The following PLCB4 variants were observed in gnomAD, a reference collection of about 807,000 sequenced individuals.
PLCB4 encodes the protein 1-phosphatidylinositol 4,5-bisphosphate phosphodiesterase beta-4.
PLCB4 carries 77 observed loss-of-function variants against 178.8 expected under a neutral mutation model. That is an observed-to-expected ratio of 0.43 (90% CI 0.36 to 0.52). The LOEUF is 0.52. Ranked by LOEUF, PLCB4 falls within the 20% of genes least tolerant of loss-of-function variation. The pLI, the probability that PLCB4 is intolerant of heterozygous loss-of-function variation, is 0.00. For synonymous variants in PLCB4, 496 were observed against 490.8 expected (o/e 1.01, Z -0.14); for missense variants, 1,024 against 1,453.4 (o/e 0.70, Z 4.80).
At chr20:9,085,178 A>G (rs747832678) in intron 1 of PLCB4, among the ~76,000 whole-genome samples, 1 of 152,076 alleles carries the variant, frequency 6.6e-6, no homozygotes, top group Non-Finnish European at 1.5e-5. Context: ...AGTGTGATAT[A>G]TTTTGTTTAA....
chr20:9,191,974 C>G (rs901749761), intron 2 of PLCB4, among the ~76,000 whole-genome samples: 2 of 151,352 alleles, frequency 1.3e-5, no homozygotes, highest in African/African-American at 4.9e-5. Flanking sequence ...CCAAACCCTT[C>G]TGACTTTTTA....
chr20:9,334,018 GCTC>G (rs1417670926), intron 4 of PLCB4, among the ~76,000 whole-genome samples: 30 of 152,236 alleles, frequency 2.0e-4, no homozygotes, highest in Admixed American at 5.2e-4. Context: ...GGATGGGGCT[GCTC>G]TTACAAATTT....
intron 21 of PLCB4, among the ~76,000 whole-genome samples, chr20:9,407,206 C>CTTA (rs1349561296): frequency 6.6e-6 from 1 of 152,272 alleles, no homozygotes; most frequent in Non-Finnish European, 1.5e-5. Context: ...AACAGAAACT[C>CTTA]TGAGTGTGGG....
At chr20:9,383,053 A>G (rs1300769225) in intron 13 of PLCB4, among the ~76,000 whole-genome samples, 1 of 152,250 alleles carries the variant, frequency 6.6e-6, no homozygotes, top group Non-Finnish European at 1.5e-5. Context: ...AGATCTACCT[A>G]CATAGCTGGT....
At chr20:9,106,914 A>G (rs922224535) in intron 2 of PLCB4, among the ~76,000 whole-genome samples, 1 of 152,190 alleles carries the variant, frequency 6.6e-6, no homozygotes, top group Admixed American at 6.6e-5. Context: ...CAGTAGGGTT[A>G]TTGGTTAAAT....
intron 33 of PLCB4, among the ~76,000 whole-genome samples, chr20:9,454,251 G>A (rs913908859): frequency 6.6e-6 from 1 of 152,304 alleles, no homozygotes. Flanking sequence ...TGGGGGGATG[G>A]GGGTGTGACA....
At chr20:9,423,484 G>A (rs1248393356) in intron 27 of PLCB4, among the ~76,000 whole-genome samples, 1 of 152,154 alleles carries the variant, frequency 6.6e-6, no homozygotes, top group African/African-American at 2.4e-5. Context: ...TCAATCACAA[G>A]GGTTGAAGTG....
intron 35 of PLCB4, 37 bp downstream of exon 35, chr20:9,459,847 A>G: frequency 6.9e-7 from 1 of 1,440,210 alleles, no homozygotes; most frequent in Non-Finnish European, 9.6e-7. Context: ...AACATCTAAT[A>G]TTTAAAAACA....
chr20:9,243,683 G>A (rs563550181), intron 3 of PLCB4, among the ~76,000 whole-genome samples: 76 of 152,252 alleles, frequency 5.0e-4, no homozygotes, highest in African/African-American at 1.8e-3. Flanking sequence ...TTTTTAAAAC[G>A]TGGATATAAA....
chr20:9,443,938 A>G (rs1290163363), intron 30 of PLCB4, 43 bp from the exon 31 acceptor site: 1 of 1,133,002 alleles, frequency 8.8e-7, no homozygotes, highest in Admixed American at 2.0e-5. Flanking sequence ...ATTCTCTCTG[A>G]TTTTTAGTAT....
At chr20:9,210,267 A>T (rs1487357854) in intron 2 of PLCB4, among the ~76,000 whole-genome samples, 2 of 152,196 alleles carry the variant, frequency 1.3e-5, no homozygotes, top group Admixed American at 1.3e-4. Flanking sequence ...TAAATGACAG[A>T]TAGAGGTAAG....
intron 2 of PLCB4, among the ~76,000 whole-genome samples, chr20:9,100,153 A>G (rs1369083907): frequency 6.6e-6 from 1 of 152,142 alleles, no homozygotes; most frequent in Non-Finnish European, 1.5e-5. Flanking sequence ...AATTCTGCCC[A>G]TCACTGGTGC....
chr20:9,238,504 C>CT (rs528130861), intron 3 of PLCB4, among the ~76,000 whole-genome samples: 19 of 152,264 alleles, frequency 1.2e-4, no homozygotes, highest in Middle Eastern at 3.4e-3. Flanking sequence ...CAAATCCAGT[C>CT]TTATCATTTG....
chr20:9,246,228 T>G (rs1263007109), intron 3 of PLCB4, among the ~76,000 whole-genome samples: 1 of 152,186 alleles, frequency 6.6e-6, no homozygotes, highest in Non-Finnish European at 1.5e-5. Flanking sequence ...CTTCCATTTT[T>G]CTGATGAAGC....
rs2093963317 is a variant in PLCB4, at chr20:9,233,927, AAAT to A, written c.-16+16476_-16+16478del. Among the ~76,000 whole-genome samples, 3 of 152,286 alleles carry A rather than the reference AAAT, an allele frequency of 2.0e-5. No homozygotes were observed. In the South Asian group the frequency reaches 6.2e-4, roughly 32 times the overall value. On this transcript the variant is annotated intron_variant, in intron 3 of 39. Transcript: ENST00000378473. Reference sequence around the variant, plus strand: ...TTTAGAAAATCACTGCTGCAGTGGAAAATGAATTGGGAGTGTACAGTTGGGGAT... The same window carrying A: ...TTTAGAAAATCACTGCTGCAGTGGAAGAATTGGGAGTGTACAGTTGGGGAT...
chr20:9,229,561 T>C (rs2093909051), intron 3 of PLCB4, among the ~76,000 whole-genome samples: 1 of 152,042 alleles, frequency 6.6e-6, no homozygotes, highest in South Asian at 2.1e-4. Flanking sequence ...AAGGTTCCAT[T>C]GGAGTTGGAA....
At chr20:9,373,184 A>G in intron 12 of PLCB4, 80 bp downstream of exon 12, 2 of 688,782 alleles carry the variant, frequency 2.9e-6, no homozygotes, top group Non-Finnish European at 5.2e-6. Context: ...GCATGCCTGC[A>G]TCATATGCCC....
Position 9,130,086 on chromosome 20 carries a change from C to T in PLCB4, c.-79+33744C>T, listed in dbSNP as rs148676461. Among the ~76,000 whole-genome samples, 394 of 152,142 alleles carry T rather than the reference C, an allele frequency of 2.6e-3. 3 individuals are homozygous for T. The highest frequency in any genetic ancestry group is 9.0e-3 in the African/African-American group (374 of 41,500). The stretch of plus-strand genomic sequence containing the variant: ...TTAGAAACAGATGAAGTTTCTTGTA[C>T]TAGAGCTGCTACTCAAGATGAAAAT... On this transcript the variant is annotated intron_variant, in intron 2 of 39. Coordinates refer to ENST00000378473, the MANE Select transcript of PLCB4 (RefSeq NM_001377142.1).
At chr20:9,195,400 A>G (rs2093459284) in intron 2 of PLCB4, among the ~76,000 whole-genome samples, 1 of 152,236 alleles carries the variant, frequency 6.6e-6, no homozygotes, top group South Asian at 2.1e-4. Flanking sequence ...TTGGTAAAAC[A>G]TTATTTCTGG....
Sources: allele counts gnomAD v4.1 joint callset (sites outside exome capture counted in the v4.1 genomes callset), GRCh38; gene constraint gnomAD v4.1.1; transcripts MANE v1.5; gene names NCBI Gene and HGNC (gene_info 2026-07-23, HGNC 2026-07-21).